MACROH2A2: variants seen among roughly 807,000 people sequenced by gnomAD.
The protein encoded by MACROH2A2 is core histone macro-H2A.2.
Under a neutral mutation model 37.6 loss-of-function variants are expected in MACROH2A2, and 6 were observed. That is an observed-to-expected ratio of 0.16 (90% confidence interval 0.09 to 0.32). The LOEUF is 0.32. MACROH2A2 is among the 10% of genes least tolerant of loss of function. MACROH2A2 has a pLI of 1.00. For missense variants in MACROH2A2, 290 were observed against 485.9 expected (o/e 0.60, Z 3.79); for synonymous variants, 192 against 202.7 (o/e 0.95, Z 0.45).
intron 7 of MACROH2A2, among the ~76,000 whole-genome samples, chr10:70,108,293 G>A (rs369682965): frequency 2.6e-5 from 4 of 152,240 alleles, no homozygotes; most frequent in East Asian, 1.9e-4. Flanking sequence ...CACAAAGTTC[G>A]TGGCTTCAGA....
At position 70,107,100 on chromosome 10, in the gene MACROH2A2, G is replaced by T. The variant is rs572319530; in HGVS notation, c.779-1933G>T. The stretch of plus-strand genomic sequence containing the variant: ...ACGTGGTCGTAGAGTCAGCACGCAT[G>T]GCGGGCCCCTACCCAGGGCCTCGGT... On this transcript the variant is annotated intron_variant, in intron 7 of 8. Coordinates refer to ENST00000373255, the MANE Select transcript of MACROH2A2 (RefSeq NM_018649.3). The surrounding 1 kb of genome is among the most constrained non-coding windows in gnomAD (Gnocchi z 4.4). Among the ~76,000 whole-genome samples the T allele has an allele frequency of 1.3e-5, 2 of 152,294 alleles. No homozygotes were observed. Among genetic ancestry groups the T allele is most frequent in the South Asian group, 2.1e-4 (1 of 4,828 alleles).
At chr10:70,066,297 C>T (rs573194694) in intron 1 of MACROH2A2, among the ~76,000 whole-genome samples, 1 of 152,232 alleles carries the variant, frequency 6.6e-6, no homozygotes, top group South Asian at 2.1e-4. Context: ...CACTGCACTC[C>T]AGCCTGGGTG....
chr10:70,101,139 C>G (rs1050972146), intron 7 of MACROH2A2, among the ~76,000 whole-genome samples: 1 of 152,150 alleles, frequency 6.6e-6, no homozygotes, highest in African/African-American at 2.4e-5. Context: ...GGGGCTGTCA[C>G]TAATGTGTGG....
chr10:70,055,813 T>G (rs1483395941), intron 1 of MACROH2A2, among the ~76,000 whole-genome samples: 1 of 152,296 alleles, frequency 6.6e-6, no homozygotes, highest in South Asian at 2.1e-4. Flanking sequence ...CAGGCATCCG[T>G]GAGCTCAGCA....
intron 1 of MACROH2A2, among the ~76,000 whole-genome samples, chr10:70,074,210 G>GT (rs1453177592): frequency 6.6e-6 from 1 of 152,170 alleles, no homozygotes; most frequent in African/African-American, 2.4e-5. Flanking sequence ...CCAGGAATAT[G>GT]TGATTATTTT....
At chr10:70,067,416 T>C (rs2072085659) in intron 1 of MACROH2A2, among the ~76,000 whole-genome samples, 1 of 152,220 alleles carries the variant, frequency 6.6e-6, no homozygotes, top group Non-Finnish European at 1.5e-5. Flanking sequence ...CGTCTTGACA[T>C]GAGGACTCAA....
At chr10:70,098,540 T>C (rs1397123086) in intron 6 of MACROH2A2, 3 of 152,238 alleles carry the variant, frequency 2.0e-5, no homozygotes, top group Non-Finnish European at 4.4e-5. Context: ...TTCTTTGCAA[T>C]TCATTTGTTG....
chr10:70,103,716 C>A (rs1405487331), intron 7 of MACROH2A2, among the ~76,000 whole-genome samples: 2 of 151,850 alleles, frequency 1.3e-5, no homozygotes, highest in Non-Finnish European at 2.9e-5. Context: ...TCAAAGTAAC[C>A]CGAGAGGAGA....
chr10:70,055,745 A>G (rs769845025), intron 1 of MACROH2A2, among the ~76,000 whole-genome samples: 11 of 152,208 alleles, frequency 7.2e-5, no homozygotes, highest in Admixed American at 6.5e-5. Context: ...CTATAAAATT[A>G]ATAATGCACA....
At chr10:70,064,294 C>T (rs775388711) in intron 1 of MACROH2A2, among the ~76,000 whole-genome samples, 5 of 152,166 alleles carry the variant, frequency 3.3e-5, no homozygotes, top group East Asian at 1.9e-4. Flanking sequence ...TGTTTGAACC[C>T]GGGGGACAGA....
At chr10:70,105,758 A>G (rs1231285432) in intron 7 of MACROH2A2, among the ~76,000 whole-genome samples, 1 of 152,068 alleles carries the variant, frequency 6.6e-6, no homozygotes, top group Non-Finnish European at 1.5e-5. Flanking sequence ...GTGGGGGTGA[A>G]AATGAAGCAC....
intron 1 of MACROH2A2, among the ~76,000 whole-genome samples, chr10:70,074,716 T>C (rs2072130777): frequency 6.6e-6 from 1 of 152,178 alleles, no homozygotes; most frequent in Non-Finnish European, 1.5e-5. Flanking sequence ...TTTCGCTTGG[T>C]TCTCATTCTC....
chr10:70,107,120 C>T lies in MACROH2A2; in HGVS notation c.779-1913C>T, dbSNP rs2072342897. Among the ~76,000 whole-genome samples the T allele has an allele frequency of 6.6e-6, 1 of 152,192 alleles. No homozygotes were observed. Among genetic ancestry groups the T allele is most frequent in the Non-Finnish European group, 1.5e-5 (1 of 68,034 alleles). Reference sequence around the variant, plus strand: ...CGCATGGCGGGCCCCTACCCAGGGCCTCGGTGTATTGTGTGGCCTGGGTCC... The same window carrying T: ...CGCATGGCGGGCCCCTACCCAGGGCTTCGGTGTATTGTGTGGCCTGGGTCC... On this transcript the variant is annotated intron_variant, in intron 7 of 8. Coordinates refer to ENST00000373255, the MANE Select transcript of MACROH2A2 (RefSeq NM_018649.3). This position sits in a 1 kb window ranked among gnomAD's most constrained non-coding sequence, Gnocchi z 4.4.
intron 1 of MACROH2A2, among the ~76,000 whole-genome samples, chr10:70,070,521 T>G (rs1347327650): frequency 6.6e-6 from 1 of 152,196 alleles, no homozygotes; most frequent in Non-Finnish European, 1.5e-5. Context: ...AGACGGAGTT[T>G]CGCTGTCGTT....
chr10:70,059,137 G>A (rs1191346774), intron 1 of MACROH2A2, among the ~76,000 whole-genome samples: 2 of 152,184 alleles, frequency 1.3e-5, no homozygotes, highest in Non-Finnish European at 2.9e-5. Flanking sequence ...CTCTATCTCT[G>A]TGAATGTAAG....
Position 70,107,591 on chromosome 10 carries a change from TAGC to T in MACROH2A2, c.779-1438_779-1436del, listed in dbSNP as rs2072345745. The stretch of plus-strand genomic sequence containing the variant: ...GTCCCACAGGGACTTCCCTCGAGCT[TAGC>T]AGCCACGGGGCTTTATCAACTCTGT... On this transcript the variant is annotated intron_variant, in intron 7 of 8. Coordinates refer to ENST00000373255, the MANE Select transcript of MACROH2A2 (RefSeq NM_018649.3). The surrounding 1 kb of genome is among the most constrained non-coding windows in gnomAD (Gnocchi z 4.4). Among the ~76,000 whole-genome samples the T allele has an allele frequency of 6.6e-6, 1 of 152,186 alleles. No individual in the cohort carries two copies. The highest frequency in any genetic ancestry group is 2.4e-5 in the African/African-American group (1 of 41,454).
chr10:70,102,236 C>T (rs1218965649), intron 7 of MACROH2A2, among the ~76,000 whole-genome samples: 1 of 152,202 alleles, frequency 6.6e-6, no homozygotes, highest in African/African-American at 2.4e-5. Context: ...GCAATAGGAG[C>T]ACTGCATGCA....
chr10:70,080,033 A>G (rs950832797), intron 2 of MACROH2A2, among the ~76,000 whole-genome samples: 1 of 152,140 alleles, frequency 6.6e-6, no homozygotes, highest in Middle Eastern at 3.2e-3. Context: ...TAATCCCAAC[A>G]CTTTGGGATG....
rs571689454 is a variant in MACROH2A2, at chr10:70,063,265, G to A, written c.-60+10265G>A. Among the ~76,000 whole-genome samples the A allele has an allele frequency of 7.0e-4, 106 of 152,286 alleles. 1 individual carries two copies. Among genetic ancestry groups the A allele is most frequent in the African/African-American group, 2.5e-3 (104 of 41,570 alleles). On this transcript the variant is annotated intron_variant, in intron 1 of 8. Coordinates refer to ENST00000373255, the MANE Select transcript of MACROH2A2 (RefSeq NM_018649.3). The stretch of plus-strand genomic sequence containing the variant: ...GAAGGCCATCAGGGTGTTAAATAAA[G>A]TTTCCTGTTTCTCACCAAAAGCAAC...
Sources: gnomAD v4.1 joint callset for allele counts (sites outside exome capture counted in the v4.1 genomes callset) on GRCh38, gnomAD v4.1.1 for gene constraint, Gnocchi (gnomAD v3.1) non-coding constraint, MANE v1.5 for transcripts, NCBI Gene and HGNC (gene_info 2026-07-23, HGNC 2026-07-21) for gene names.